The following NFATC3 variants were observed in gnomAD, a reference collection of about 807,000 sequenced individuals.
NFATC3 encodes the protein nuclear factor of activated T cells 3, also known as nuclear factor of activated T-cells, cytoplasmic 3.
NFATC3 carries 46 observed loss-of-function variants against 98.6 expected under a neutral mutation model. The ratio of observed to expected loss-of-function variants is 0.47; its 90% CI spans 0.37 to 0.60. The LOEUF is 0.60. Ranked by LOEUF, NFATC3 falls within the 20% of genes least tolerant of loss-of-function variation. The pLI, the probability that NFATC3 is intolerant of heterozygous loss-of-function variation, is 0.00. For synonymous variants in NFATC3, 512 were observed against 472.2 expected, an observed-to-expected ratio of 1.08 and a Z score of -1.09; for missense variants, 1,256 against 1,295.5, an observed-to-expected ratio of 0.97 and a Z score of 0.47.
At chr16:68,162,746 A>T (rs565995142) in intron 4 of NFATC3, among the ~76,000 whole-genome samples, 5 of 151,962 alleles carry the variant, frequency 3.3e-5, no homozygotes, top group Admixed American at 3.3e-4. Flanking sequence ...GAACATGTTG[A>T]TCATTTTTTT....
At chr16:68,155,490 T>C (rs1303536120) in intron 3 of NFATC3, among the ~76,000 whole-genome samples, 1 of 152,154 alleles carries the variant, frequency 6.6e-6, no homozygotes, top group African/African-American at 2.4e-5. Flanking sequence ...GAACTCCTCA[T>C]AGATTAAAAA....
chr16:68,170,584 C>T (rs943639841), intron 5 of NFATC3, among the ~76,000 whole-genome samples: 1 of 150,922 alleles, frequency 6.6e-6, no homozygotes, highest in Non-Finnish European at 1.5e-5. Flanking sequence ...CCCCTGCCTC[C>T]CAGGTTCAAG....
intron 1 of NFATC3, among the ~76,000 whole-genome samples, chr16:68,086,174 T>C (rs1434408853): frequency 6.6e-6 from 1 of 152,148 alleles, no homozygotes; most frequent in East Asian, 1.9e-4. Context: ...TTTCTTGAAA[T>C]TTTAGTTTGA....
Position 68,167,004 on chromosome 16 carries a change from C to T in NFATC3, c.1763C>T (p.Pro588Leu). 1 of 1,612,014 alleles carries T rather than the reference C, an allele frequency of 6.2e-7. No homozygotes were observed. Among genetic ancestry groups the T allele is most frequent in the East Asian group, 2.2e-5 (1 of 44,870 alleles). The change falls in exon 5 of 10, where the codon CCC becomes CTC. Residue 588 changes from proline to leucine, a missense_variant. Physicochemically the swap from Pro to Leu is moderately conservative, Grantham distance 98 (BLOSUM62 -3). Transcript: ENST00000346183. Reference protein sequence around the residue: ...KVLSLQIASIPVECSQRSAQE... With the variant: ...KVLSLQIASILVECSQRSAQE... ...CTTTCTCTGCAGATAGCCTCTATAC[C>T]CGTTGAGTGCTGTAAGTGAGCTTGT...
At chr16:68,135,627 T>C (rs2037362526) in intron 3 of NFATC3, among the ~76,000 whole-genome samples, 1 of 152,186 alleles carries the variant, frequency 6.6e-6, no homozygotes, top group Non-Finnish European at 1.5e-5. Flanking sequence ...AGCCGATACC[T>C]TTTATTGAAA....
intron 2 of NFATC3, among the ~76,000 whole-genome samples, chr16:68,123,417 T>G (rs999828528): frequency 2.0e-5 from 3 of 151,536 alleles, no homozygotes; most frequent in Non-Finnish European, 4.4e-5. Context: ...TTCCCAACAC[T>G]TGGGAGGCTG....
In NFATC3 at chr16:68,121,926, A is replaced by G. The variant is rs774406688; in HGVS notation, c.104-61A>G. The G allele has an allele frequency of 7.3e-6, 11 of 1,503,912 alleles. No homozygotes were observed. In the East Asian group the frequency reaches 1.6e-4, roughly 22 times the overall value. 93.2% of individuals were successfully genotyped at this position (1,503,912 alleles called of 1,614,324 possible). ...TACTTTCTCATCTAGTAATTTATAC[A>G]TCTGAGTTTTCTAATTTCTTGTTTT... On this transcript the variant is annotated intron_variant, in intron 1 of 9. Transcript: ENST00000346183.
chr16:68,208,282 C>T lies in NFATC3; in HGVS notation c.3106+16507C>T, dbSNP rs527415134. The stretch of plus-strand genomic sequence containing the variant: ...AAACTCCTGACCTCAGGTGAGCCAC[C>T]CGCCTTAGCCTCCCAAAGTGCAGGG... On this transcript the variant is annotated intron_variant, in intron 9 of 9. Coordinates refer to ENST00000346183, the MANE Select transcript of NFATC3 (RefSeq NM_173165.3). Among the ~76,000 whole-genome samples, 21 of 152,238 alleles carry T rather than the reference C, an allele frequency of 1.4e-4. No homozygotes were observed. In the South Asian group the frequency reaches 2.9e-3, roughly 21 times the overall value.
rs1244961261 is a variant in NFATC3 at position 68,122,507 on chromosome 16, T to A, written c.624T>A (p.Pro208=). The stretch of plus-strand genomic sequence containing the variant: ...CAGCCCGATTTACCCTTGGATCCCC[T>A]CTGACTTCTCCTGGTGGCTCTCCAG... The part of the protein sequence containing the change: ...EAAARFTLGS[P]LTSPGGSPGG... Residue 208 remains proline, a synonymous_variant, in exon 2 of 10, where the codon CCT becomes CCA. Transcript: ENST00000346183. The A allele has an allele frequency of 6.2e-6, 10 of 1,614,026 alleles. No homozygotes were observed. The highest frequency in any genetic ancestry group is 8.5e-6 in the Non-Finnish European group (10 of 1,180,036).
At position 68,107,175 on chromosome 16, in the gene NFATC3, T is replaced by C. The variant is rs185196896; in HGVS notation, c.104-14812T>C. Among the ~76,000 whole-genome samples, 67 of 152,346 alleles carry C rather than the reference T, an allele frequency of 4.4e-4. No homozygotes were observed. In the East Asian group the frequency reaches 0.012, roughly 27 times the overall value. Reference sequence around the variant, plus strand: ...TGGGCATTTGGGTTGATTCTATGTCTTTGCTATTGTGAATAGTGCTGCAGT... The same window carrying C: ...TGGGCATTTGGGTTGATTCTATGTCCTTGCTATTGTGAATAGTGCTGCAGT... On this transcript the variant is annotated intron_variant, in intron 1 of 9. Transcript: ENST00000346183.
chr16:68,157,196 CTCTCTG>C (rs926139847), intron 3 of NFATC3, among the ~76,000 whole-genome samples: 6 of 151,938 alleles, frequency 3.9e-5, no homozygotes, highest in African/African-American at 1.4e-4. Context: ...CACATTCTCT[CTCTCTG>C]TCTCTGTCTC....
chr16:68,097,636 C>T lies in NFATC3; in HGVS notation c.103+11852C>T, dbSNP rs577568079. 2.0e-5 allele frequency among the ~76,000 whole-genome samples: 3 copies of T among 152,290 alleles called. No homozygotes were observed. The East Asian group carries it at 5.8e-4, about 29-fold the overall frequency. On this transcript the variant is annotated intron_variant, in intron 1 of 9. Transcript: ENST00000346183. The stretch of plus-strand genomic sequence containing the variant: ...GCAAGGAGAGAAGTCTGAGAAGATA[C>T]TGTCACAGAGTTAAATTAGACAATC...
intron 1 of NFATC3, among the ~76,000 whole-genome samples, chr16:68,119,465 C>A (rs1032812466): frequency 6.6e-6 from 1 of 152,132 alleles, no homozygotes; most frequent in African/African-American, 2.4e-5. Flanking sequence ...TGACTAGCCT[C>A]TCCCTGACCA....
intron 6 of NFATC3, among the ~76,000 whole-genome samples, chr16:68,178,885 G>A (rs187968991): frequency 1.3e-5 from 2 of 152,296 alleles, no homozygotes; most frequent in East Asian, 1.9e-4. Flanking sequence ...GGAGATTGCA[G>A]TTGTAAACAT....
chr16:68,155,885 AG>A (rs2038586904), intron 3 of NFATC3, among the ~76,000 whole-genome samples: 1 of 152,234 alleles, frequency 6.6e-6, no homozygotes, highest in Admixed American at 6.5e-5. Context: ...GACTGAGAGA[AG>A]GCTTAGATTA....
chr16:68,222,047 T>C (rs2041882588), intron 9 of NFATC3, among the ~76,000 whole-genome samples: 1 of 151,566 alleles, frequency 6.6e-6, no homozygotes, highest in Admixed American at 6.6e-5. Flanking sequence ...CCTAGTACTT[T>C]AGGAGGCTGA....
At chr16:68,158,529 C>T (rs775263933) in intron 4 of NFATC3, among the ~76,000 whole-genome samples, 5 of 152,148 alleles carry the variant, frequency 3.3e-5, no homozygotes, top group Admixed American at 6.5e-5. Flanking sequence ...TATATAGTTG[C>T]CTGTAATAGA....
intron 9 of NFATC3, among the ~76,000 whole-genome samples, chr16:68,219,210 G>A (rs928410715): frequency 1.3e-4 from 19 of 151,676 alleles, no homozygotes; most frequent in Admixed American, 1.1e-3. Flanking sequence ...GTGAAACCCC[G>A]CCTCTACTAA....
intron 1 of NFATC3, among the ~76,000 whole-genome samples, chr16:68,114,565 A>G (rs1315802801): frequency 6.6e-6 from 1 of 151,144 alleles, no homozygotes; most frequent in Non-Finnish European, 1.5e-5. Flanking sequence ...ATCAAGGGCC[A>G]AGGAAAAGCA....
Sources: gnomAD v4.1 joint callset for allele counts (sites outside exome capture counted in the v4.1 genomes callset) on GRCh38, gnomAD v4.1.1 for gene constraint, MANE v1.5 for transcripts, NCBI Gene and HGNC (gene_info 2026-07-23, HGNC 2026-07-21) for gene names.